CCDC93: variants seen among roughly 807,000 people sequenced by gnomAD.
The protein encoded by CCDC93 is CCC complex scaffolding subunit CCDC93, also known as coiled-coil domain-containing protein 93.
In CCDC93, 61 loss-of-function variants were observed where a neutral mutation model predicts 108.2. The observed-to-expected ratio is 0.56, with a 90% CI of 0.46 to 0.70. CCDC93 has a LOEUF of 0.70. Among genes scored for constraint, CCDC93 ranks in the 30% least tolerant of loss-of-function variants. The pLI, the probability that CCDC93 is intolerant of heterozygous loss-of-function variation, is 0.00. For missense variants in CCDC93, 685 were observed against 764.2 expected (o/e 0.90, Z 1.22); for synonymous variants, 276 against 260.4 (o/e 1.06, Z -0.58).
At chr2:117,950,988 G>A (rs1184072323) in intron 13 of CCDC93, 1 of 985,124 alleles carries the variant, frequency 1.0e-6, no homozygotes, top group Non-Finnish European at 1.2e-6. Context: ...TCTTATTACT[G>A]ACTTAAATCA....
At chr2:117,981,410 C>T (rs1680110802) in intron 7 of CCDC93, among the ~76,000 whole-genome samples, 1 of 152,220 alleles carries the variant, frequency 6.6e-6, no homozygotes, top group Non-Finnish European at 1.5e-5. Flanking sequence ...CTTTTCCTGT[C>T]AGCCCTGCCC....
chr2:117,950,576 T>C (rs1679019638), intron 13 of CCDC93: 1 of 985,360 alleles, frequency 1.0e-6, no homozygotes. Flanking sequence ...TAGGTTATCC[T>C]GGAAGGGCAG....
In CCDC93 at chr2:117,915,666, CCT is replaced by C. The variant is rs1677658691; in HGVS notation, c.*4675_*4676del. The C allele has an allele frequency of 6.6e-6, 1 of 152,188 alleles. No individual in the cohort carries two copies. Among genetic ancestry groups the C allele is most frequent in the African/African-American group, 2.4e-5 (1 of 41,426 alleles). 9.4% of individuals were successfully genotyped at this position (152,188 alleles called of 1,614,324 possible). A position where few individuals can be genotyped will look rare whatever the true frequency, so the allele number is the denominator to read the frequency against. Reference sequence around the variant, plus strand: ...TGTACATTGAAAAGTCATTCCCACCCCTCTTCCCAGAGGCAATTCAGGCTGCC... The same window carrying C: ...TGTACATTGAAAAGTCATTCCCACCCCTTCCCAGAGGCAATTCAGGCTGCC... On this transcript the variant is annotated 3_prime_UTR_variant, in exon 24 of 24. Transcript: ENST00000376300.
At chr2:117,966,848 A>G (rs970165098) in intron 11 of CCDC93, among the ~76,000 whole-genome samples, 3 of 152,238 alleles carry the variant, frequency 2.0e-5, no homozygotes, top group Admixed American at 2.0e-4. Context: ...TGGTGCCAGA[A>G]TTTCTTAATT....
chr2:117,991,465 C>T (rs1038799857), intron 6 of CCDC93, among the ~76,000 whole-genome samples: 15 of 152,168 alleles, frequency 9.9e-5, no homozygotes, highest in Non-Finnish European at 7.4e-5. Flanking sequence ...GGAGGAGTGC[C>T]GACACCTGCT....
chr2:117,993,084 T>C (rs1180500055), intron 6 of CCDC93, among the ~76,000 whole-genome samples: 2 of 152,134 alleles, frequency 1.3e-5, no homozygotes, highest in East Asian at 3.9e-4. Context: ...ATAAAGATAT[T>C]CGATTAAGCA....
chr2:117,999,552 T>C (rs1680769800), intron 4 of CCDC93: 1 of 152,172 alleles, frequency 6.6e-6, no homozygotes, highest in African/African-American at 2.4e-5. Flanking sequence ...TCCTCCTCTT[T>C]CTAAGATGCC....
chr2:117,981,155 G>A (rs1236449947), intron 7 of CCDC93, among the ~76,000 whole-genome samples: 1 of 152,052 alleles, frequency 6.6e-6, no homozygotes, highest in Non-Finnish European at 1.5e-5. Context: ...TCATAATTGT[G>A]CAATATATTA....
At position 117,996,843 on chromosome 2, in the gene CCDC93, A is replaced by G. The variant is rs563921673; in HGVS notation, c.364-481T>C. ...AAGGGAGAGAACCACAGAGAATGCT[A>G]GTGTAACTCCCCATTTGACAAGTGA... is the stretch of plus-strand genomic sequence containing the variant. On this transcript the variant is annotated intron_variant, in intron 4 of 23. Transcript: ENST00000376300. 3.2e-5 allele frequency: 5 copies of G among 153,938 alleles called. No individual in the cohort carries two copies. The East Asian group carries it at 9.5e-4, about 29-fold the overall frequency. The allele number at this position is 153,938 out of a possible 1,614,324, so 9.5% of individuals were successfully genotyped here.
In CCDC93 at chr2:117,920,325, A is replaced by G; in HGVS notation, c.*18T>C. The stretch of plus-strand genomic sequence containing the variant: ...CTTAAAAGTAAAATCAATGACATAC[A>G]GCCACGGCTGGGGATGTTCAGGAGG... On this transcript the variant is annotated 3_prime_UTR_variant, in exon 24 of 24. Transcript: ENST00000376300. 6.2e-7 allele frequency: 1 copy of G among 1,600,524 alleles called. No homozygotes were observed. The highest frequency in any genetic ancestry group is 8.6e-7 in the Non-Finnish European group (1 of 1,168,632).
At position 117,941,194 on chromosome 2, in the gene CCDC93, C is replaced by A; in HGVS notation, c.1517G>T (p.Arg506Leu). 3 of 1,608,390 alleles carry A rather than the reference C, an allele frequency of 1.9e-6. No homozygotes were observed. Among genetic ancestry groups the A allele is most frequent in the Non-Finnish European group, 2.6e-6 (3 of 1,174,942 alleles). The change falls in exon 19 of 24, where the codon CGC becomes CTC. Residue 506 changes from arginine to leucine, a missense_variant. By Grantham distance (102) the Arg-to-Leu change is moderately radical. Coordinates refer to ENST00000376300, the MANE Select transcript of CCDC93 (RefSeq NM_019044.5). Reference sequence around the variant, plus strand: ...TCTGTGGTCAATGCACCTACTCTGGCGGTAGAGTTCAATAAATCTCTTCTG... The same window carrying A: ...TCTGTGGTCAATGCACCTACTCTGGAGGTAGAGTTCAATAAATCTCTTCTG... ...QYQKRFIELY[R>L]QISAVHKETK...
intron 1 of CCDC93, among the ~76,000 whole-genome samples, chr2:118,011,267 A>C (rs1677013648): frequency 6.6e-6 from 1 of 152,214 alleles, no homozygotes; most frequent in Non-Finnish European, 1.5e-5. Context: ...AAATATAGTT[A>C]ATACAGAATT....
chr2:117,977,891 G>A, intron 8 of CCDC93, 103 bp downstream of exon 8: 1 of 1,086,692 alleles, frequency 9.2e-7, no homozygotes, highest in Non-Finnish European at 1.4e-6. Flanking sequence ...ACATCCCTGG[G>A]TTTCCCAAGA....
intron 1 of CCDC93, among the ~76,000 whole-genome samples, chr2:118,013,575 C>T (rs960519852): frequency 3.9e-5 from 6 of 152,254 alleles, no homozygotes; most frequent in African/African-American, 7.2e-5. Context: ...CTCCAGCGCC[C>T]AGCAGCCTCG....
chr2:117,977,437 A>T (rs889255777), intron 8 of CCDC93, among the ~76,000 whole-genome samples: 1 of 152,236 alleles, frequency 6.6e-6, no homozygotes, highest in Non-Finnish European at 1.5e-5. Flanking sequence ...TACAGCCTGG[A>T]ACACAGAAAG....
At chr2:117,958,164 C>T (rs35832084) in intron 12 of CCDC93, among the ~76,000 whole-genome samples, 2,299 of 152,296 alleles carry the variant, frequency 0.015, 27 homozygotes, top group Non-Finnish European at 0.024. Flanking sequence ...AACTACTCAA[C>T]TCTGCCACTG....
chr2:118,000,421 T>C (rs896854828), intron 4 of CCDC93, among the ~76,000 whole-genome samples: 1 of 152,086 alleles, frequency 6.6e-6, no homozygotes, highest in African/African-American at 2.4e-5. Flanking sequence ...AAAAGCACTG[T>C]GACAGGTGGA....
intron 22 of CCDC93, 31 bp downstream of exon 22, chr2:117,935,464 G>A: frequency 6.5e-7 from 1 of 1,527,374 alleles, no homozygotes; most frequent in East Asian, 2.3e-5. Context: ...TATAAAACCT[G>A]GGCTGCATTA....
At chr2:117,944,541 T>C (rs1377384961) in intron 17 of CCDC93, among the ~76,000 whole-genome samples, 2 of 152,168 alleles carry the variant, frequency 1.3e-5, no homozygotes, top group African/African-American at 4.8e-5. Flanking sequence ...CAAAAAGTTC[T>C]TTTGGACAGC....
Sources: allele counts gnomAD v4.1 joint callset (sites outside exome capture counted in the v4.1 genomes callset), GRCh38; gene constraint gnomAD v4.1.1; transcripts MANE v1.5; gene names NCBI Gene and HGNC (gene_info 2026-07-23, HGNC 2026-07-21).